The following FAM240C variants were observed in gnomAD, a reference collection of about 807,000 sequenced individuals.
The protein encoded by FAM240C is family with sequence similarity 240 member C, also known as protein FAM240C.
Under a neutral mutation model 10.0 loss-of-function variants are expected in FAM240C, and 14 were observed. The observed-to-expected ratio is 1.40, with a 90% CI of 0.92 to 2.19. FAM240C has a LOEUF of 2.19. Among genes scored for constraint, FAM240C ranks in the 30% most tolerant of loss-of-function variants. FAM240C has a pLI of 0.00. For missense variants in FAM240C, 154 were observed against 122.3 expected, an observed-to-expected ratio of 1.26 and a Z score of -1.22; for synonymous variants, 49 against 44.3, an observed-to-expected ratio of 1.11 and a Z score of -0.42.
chr2:241,899,977 G>T (rs1156979080), intron 1 of FAM240C, among the ~76,000 whole-genome samples: 1 of 152,184 alleles, frequency 6.6e-6, no homozygotes, highest in Middle Eastern at 3.2e-3. Context: ...TAAGGCAGGA[G>T]AATGGCGTGA....
chr2:241,899,833 C>T (rs576874942), intron 1 of FAM240C, among the ~76,000 whole-genome samples: 159 of 152,080 alleles, frequency 1.0e-3, no homozygotes, highest in Non-Finnish European at 2.0e-3. Flanking sequence ...TGTGGGAGGC[C>T]GAGGCGGGCG....
At position 241,893,994 on chromosome 2, in the gene FAM240C, T is replaced by C. The variant is rs1224462548; in HGVS notation, c.*219A>G. 1 of 440,954 alleles carries C rather than the reference T, an allele frequency of 2.3e-6. No homozygotes were observed. The highest frequency in any genetic ancestry group is 4.0e-6 in the Non-Finnish European group (1 of 249,392). The allele number at this position is 440,954 out of a possible 1,614,324, so 27.3% of individuals were successfully genotyped here. A position where few individuals can be genotyped will look rare whatever the true frequency, so the allele number is the denominator to read the frequency against. On this transcript the variant is annotated 3_prime_UTR_variant, in exon 3 of 3. Coordinates refer to ENST00000404031, the MANE Select transcript of FAM240C (RefSeq NM_001382368.1). ...TTTAGCACGAAACATTCAATCCAAT[T>C]GACTTAGGTTTTATTGGGCACCAGA...
chr2:241,898,608 G>T (rs1238102200), intron 1 of FAM240C, among the ~76,000 whole-genome samples: 1 of 71,526 alleles, frequency 1.4e-5, no homozygotes, highest in Non-Finnish European at 2.7e-5. Flanking sequence ...AGTGTCGACA[G>T]CAGCAGCCCC....
In FAM240C at chr2:241,900,163, C is replaced by T. The variant is rs531671096; in HGVS notation, c.12+195G>A. Reference sequence around the variant, plus strand: ...GAGGCAGGTGATGGAGACACTCTCCCCCCACCAAAGGTGTTGACAGCAGGA... The same window carrying T: ...GAGGCAGGTGATGGAGACACTCTCCTCCCACCAAAGGTGTTGACAGCAGGA... On this transcript the variant is annotated intron_variant, in intron 1 of 2. Coordinates refer to ENST00000404031, the MANE Select transcript of FAM240C (RefSeq NM_001382368.1). This position sits in a 1 kb window ranked among gnomAD's most constrained non-coding sequence, Gnocchi z 4.5. 2.6e-5 allele frequency among the ~76,000 whole-genome samples: 4 copies of T among 152,280 alleles called. No individual in the cohort carries two copies. Among genetic ancestry groups the T allele is most frequent in the Middle Eastern group, 3.4e-3 (1 of 294 alleles).
At chr2:241,900,516 G>C, upstream of FAM240C, 1 of 640,546 alleles carries the variant, frequency 1.6e-6, no homozygotes, top group South Asian at 1.8e-5. The surrounding 1 kb of genome is among the most constrained non-coding windows in gnomAD (Gnocchi z 4.5). Flanking sequence ...CCAGAAAGAC[G>C]CGCTGCCCTC....
intron 2 of FAM240C, among the ~76,000 whole-genome samples, chr2:241,894,586 G>A (rs1172686379): frequency 1.5e-5 from 2 of 132,804 alleles, no homozygotes; most frequent in Admixed American, 1.5e-4. Context: ...GGGGGGGGGG[G>A]GGCGTCTCAC....
At chr2:241,895,295 G>A (rs923110008) in intron 2 of FAM240C, among the ~76,000 whole-genome samples, 7 of 152,240 alleles carry the variant, frequency 4.6e-5, no homozygotes, top group African/African-American at 2.4e-5. Flanking sequence ...CAGCTGCCAC[G>A]GTCCCACAGA....
chr2:241,898,058 G>A (rs1248382208), intron 1 of FAM240C, among the ~76,000 whole-genome samples: 1 of 152,220 alleles, frequency 6.6e-6, no homozygotes, highest in African/African-American at 2.4e-5. Flanking sequence ...TCGACACCTG[G>A]TTATTGGGTA....
At chr2:241,898,023 G>T (rs776655468) in intron 1 of FAM240C, among the ~76,000 whole-genome samples, 9 of 152,202 alleles carry the variant, frequency 5.9e-5, no homozygotes, top group Non-Finnish European at 1.3e-4. Flanking sequence ...GTGTGAGCCA[G>T]CGTGCCCAGC....
At chr2:241,902,350 CCGCCGCCTCCCCTCCG>C (rs1702004557), upstream of FAM240C, 1 of 144,022 alleles carries the variant, frequency 6.9e-6, no homozygotes. The surrounding 1 kb of genome is among the most constrained non-coding windows in gnomAD (Gnocchi z 7.1). Context: ...CTCCCCTCCG[CCGCCGCCTCCCCTCCG>C]CCGCCGCCTC....
At chr2:241,895,167 G>C (rs1333390673) in intron 2 of FAM240C, among the ~76,000 whole-genome samples, 1 of 152,250 alleles carries the variant, frequency 6.6e-6, no homozygotes, top group Non-Finnish European at 1.5e-5. Context: ...GGACGGCTGG[G>C]CCCCACGGTG....
upstream of FAM240C, among the ~76,000 whole-genome samples, chr2:241,900,824 C>A (rs1287183771): frequency 6.6e-6 from 1 of 152,134 alleles, no homozygotes; most frequent in Non-Finnish European, 1.5e-5. This position sits in a 1 kb window ranked among gnomAD's most constrained non-coding sequence, Gnocchi z 4.5. Flanking sequence ...CAGACACACT[C>A]AAGGCAGGTG....
At chr2:241,897,058 C>G in intron 2 of FAM240C, 128 bp downstream of exon 2, 1 of 987,298 alleles carries the variant, frequency 1.0e-6, no homozygotes, top group Non-Finnish European at 1.5e-6. Context: ...AGGCCTGGAG[C>G]TGAGGGGTTT....
Position 241,894,148 on chromosome 2 carries a change from C to A in FAM240C, c.*65G>T. ...AACTCTGGCGTGGATGCTTGGACCCCACGCGTGGTGTTCCTTCTCCATGAC... is the reference window on the plus strand; with the variant it reads ...AACTCTGGCGTGGATGCTTGGACCCAACGCGTGGTGTTCCTTCTCCATGAC... On this transcript the variant is annotated 3_prime_UTR_variant, in exon 3 of 3. Coordinates refer to ENST00000404031, the MANE Select transcript of FAM240C (RefSeq NM_001382368.1). 6.6e-7 allele frequency: 1 copy of A among 1,505,840 alleles called. No homozygotes were observed. The highest frequency in any genetic ancestry group is 9.0e-7 in the Non-Finnish European group (1 of 1,116,296). The allele number at this position is 1,505,840 out of a possible 1,614,324, so 93.3% of individuals were successfully genotyped here. A position where few individuals can be genotyped will look rare whatever the true frequency, so the allele number is the denominator to read the frequency against.
At chr2:241,897,827 T>C (rs1246926061) in intron 1 of FAM240C, among the ~76,000 whole-genome samples, 1 of 152,190 alleles carries the variant, frequency 6.6e-6, no homozygotes, top group Non-Finnish European at 1.5e-5. Flanking sequence ...CTTGACCGCC[T>C]GAACTCAAGT....
At chr2:241,901,154 G>A (rs1360532212), upstream of FAM240C, among the ~76,000 whole-genome samples, 1 of 152,114 alleles carries the variant, frequency 6.6e-6, no homozygotes, top group Non-Finnish European at 1.5e-5. The surrounding 1 kb of genome is among the most constrained non-coding windows in gnomAD (Gnocchi z 4.9). Context: ...GGGTCACCGC[G>A]TCCGGAAACA....
chr2:241,901,960 C>G (rs1575423258), upstream of FAM240C, among the ~76,000 whole-genome samples: 1 of 152,256 alleles, frequency 6.6e-6, no homozygotes, highest in East Asian at 1.9e-4. This position sits in a 1 kb window ranked among gnomAD's most constrained non-coding sequence, Gnocchi z 4.9. Context: ...GACGTGTGTG[C>G]GGAGGGACGG....
At position 241,894,343 on chromosome 2, in the gene FAM240C, G is replaced by T; in HGVS notation, c.162-4C>A. 6.5e-7 allele frequency: 1 copy of T among 1,539,256 alleles called. No homozygotes were observed. The highest frequency in any genetic ancestry group is 1.2e-5 in the South Asian group (1 of 83,864). ...CTCAGCCCATCCCACGCGGAGCCTG[G>T]GGCAGGGCGATAATTTCGGCATTGT... On this transcript the variant is annotated splice_region_variant and splice_polypyrimidine_tract_variant and intron_variant, in intron 2 of 2. Coordinates refer to ENST00000404031, the MANE Select transcript of FAM240C (RefSeq NM_001382368.1).
At chr2:241,902,348 C>A (rs868663886), upstream of FAM240C, 2 of 141,370 alleles carry the variant, frequency 1.4e-5, no homozygotes, top group South Asian at 3.9e-4. The surrounding 1 kb of genome is among the most constrained non-coding windows in gnomAD (Gnocchi z 7.1). Context: ...GCCTCCCCTC[C>A]GCCGCCGCCT....
Sources: allele counts gnomAD v4.1 joint callset (sites outside exome capture counted in the v4.1 genomes callset), GRCh38; gene constraint gnomAD v4.1.1; non-coding constraint Gnocchi (gnomAD v3.1); transcripts MANE v1.5; gene names NCBI Gene and HGNC (gene_info 2026-07-23, HGNC 2026-07-21).